Variants in TRHDE observed in about 807,000 individuals in gnomAD.
The protein encoded by TRHDE is thyrotropin-releasing hormone-degrading ectoenzyme.
TRHDE carries 72 observed loss-of-function variants against 125.7 expected under a neutral mutation model. The observed-to-expected ratio is 0.57, with a 90% confidence interval of 0.47 to 0.70. TRHDE has a LOEUF of 0.70. TRHDE is among the 30% of genes least tolerant of loss of function. The probability of loss-of-function intolerance (pLI) is 0.00; values close to 1 mark genes in which losing one functional copy is unlikely to be tolerated. For synonymous variants in TRHDE, 509 were observed against 509.1 expected (o/e 1.00, Z 0.00); for missense variants, 1,110 against 1,327.1 (o/e 0.84, Z 2.54).
At chr12:72,397,729 A>AGT in intron 3 of TRHDE, among the ~76,000 whole-genome samples, 1 of 152,302 alleles carries the variant, frequency 6.6e-6, no homozygotes, top group Admixed American at 6.5e-5. Context: ...TGAGAGAGAG[A>AGT]GAGAGAGACA....
intron 10 of TRHDE, among the ~76,000 whole-genome samples, chr12:72,572,738 G>C (rs1297618674): frequency 6.6e-6 from 1 of 151,912 alleles, no homozygotes; most frequent in Non-Finnish European, 1.5e-5. Context: ...GGTGTAGAAG[G>C]TACAGCAATT....
chr12:72,625,462 GA>G (rs200930973), intron 15 of TRHDE, among the ~76,000 whole-genome samples: 71 of 149,212 alleles, frequency 4.8e-4, no homozygotes, highest in Middle Eastern at 3.5e-3. Flanking sequence ...TTTTGAAACC[GA>G]AAAAAAAAGT....
intron 2 of TRHDE, among the ~76,000 whole-genome samples, chr12:72,219,701 G>A (rs1351445483): frequency 6.6e-6 from 1 of 152,150 alleles, no homozygotes; most frequent in Non-Finnish European, 1.5e-5. Flanking sequence ...CAAGTGCATA[G>A]CATTCAGTTT....
At chr12:72,342,009 A>G (rs1008385884) in intron 2 of TRHDE, among the ~76,000 whole-genome samples, 1 of 152,096 alleles carries the variant, frequency 6.6e-6, no homozygotes, top group African/African-American at 2.4e-5. Flanking sequence ...GAAATACACA[A>G]TTCAAAATCA....
intron 12 of TRHDE, among the ~76,000 whole-genome samples, chr12:72,579,046 G>C (rs1270910349): frequency 6.7e-6 from 1 of 148,716 alleles, no homozygotes; most frequent in African/African-American, 2.5e-5. Flanking sequence ...ATAAATCTGG[G>C]GATCTTTTTA....
At position 72,556,727 on chromosome 12, in the gene TRHDE, CA is replaced by C. The variant is rs530963551; in HGVS notation, c.1789-5431del. Among the ~76,000 whole-genome samples the C allele has an allele frequency of 8.7e-4, 133 of 152,142 alleles. 1 individual carries two copies. The highest frequency in any genetic ancestry group is 3.1e-3 in the African/African-American group (130 of 41,510). On this transcript the variant is annotated intron_variant, in intron 7 of 18. Coordinates refer to ENST00000261180, the MANE Select transcript of TRHDE (RefSeq NM_013381.3). ...AACTGGTATTTAAATGCTGGAAAGC[CA>C]AAAAAATGACAAATGCACACTACAA...
intron 15 of TRHDE, among the ~76,000 whole-genome samples, chr12:72,640,202 C>G (rs1345882815): frequency 6.6e-6 from 1 of 152,266 alleles, no homozygotes; most frequent in Non-Finnish European, 1.5e-5. Flanking sequence ...GACACAATCT[C>G]CTGGTGTGCT....
At chr12:72,195,930 GTTC>G (rs990193546) in intron 2 of TRHDE, among the ~76,000 whole-genome samples, 1 of 151,956 alleles carries the variant, frequency 6.6e-6, no homozygotes, top group Non-Finnish European at 1.5e-5. Flanking sequence ...GTCCAGTTTC[GTTC>G]TTCTGCATAT....
chr12:72,636,218 G>C (rs745622077), intron 15 of TRHDE, among the ~76,000 whole-genome samples: 2,068 of 147,834 alleles, frequency 0.014, 21 homozygotes, highest in Non-Finnish European at 0.019. Context: ...AGGTCCTTCA[G>C]ATCCCTTGTA....
chr12:72,199,290 G>T (rs1877508018), intron 2 of TRHDE, among the ~76,000 whole-genome samples: 1 of 152,016 alleles, frequency 6.6e-6, no homozygotes, highest in African/African-American at 2.4e-5. Context: ...AAAAAAAACA[G>T]CTTAAATATT....
intron 2 of TRHDE, among the ~76,000 whole-genome samples, chr12:72,176,340 A>G (rs1876987934): frequency 2.0e-5 from 3 of 152,098 alleles, no homozygotes; most frequent in South Asian, 4.1e-4. Flanking sequence ...CACTGCTTAC[A>G]TTCTCACCCT....
rs539356864 is a variant in TRHDE at position 72,130,086 on chromosome 12, G to A, written n.279+24334G>A. On this transcript the variant is annotated intron_variant and non_coding_transcript_variant, in intron 2 of 4. Transcript: ENST00000548156. The stretch of plus-strand genomic sequence containing the variant: ...GGGGGCTGAGGTGGGCGGATCATGA[G>A]GTCAGGAGTTTGAGACCAGCCTGGC... Among the ~76,000 whole-genome samples, 7 of 152,254 alleles carry A rather than the reference G, an allele frequency of 4.6e-5. No individual in the cohort carries two copies. In the East Asian group the frequency reaches 1.2e-3, roughly 25 times the overall value.
chr12:72,495,467 T>C (rs929232726), intron 5 of TRHDE, among the ~76,000 whole-genome samples: 3 of 152,104 alleles, frequency 2.0e-5, no homozygotes, highest in African/African-American at 7.2e-5. Flanking sequence ...TTCCCCCATT[T>C]ATCTGAGTAA....
chr12:72,365,010 A>T (rs576276868), intron 2 of TRHDE, among the ~76,000 whole-genome samples: 2 of 152,208 alleles, frequency 1.3e-5, no homozygotes, highest in Admixed American at 1.3e-4. Context: ...AGAGGGATTA[A>T]ATGCTACTGT....
At chr12:72,147,380 A>T (rs1876254174) in intron 2 of TRHDE, among the ~76,000 whole-genome samples, 1 of 152,166 alleles carries the variant, frequency 6.6e-6, no homozygotes, top group Non-Finnish European at 1.5e-5. Flanking sequence ...TACAAGTTCT[A>T]TTCTGCCTTG....
intron 2 of TRHDE, among the ~76,000 whole-genome samples, chr12:72,373,737 C>CA (rs1227277966): frequency 6.6e-6 from 1 of 152,076 alleles, no homozygotes; most frequent in Non-Finnish European, 1.5e-5. Context: ...GGGGAAAACT[C>CA]AAAATCCTTG....
At chr12:72,433,550 C>A (rs1361383678) in intron 3 of TRHDE, among the ~76,000 whole-genome samples, 1 of 151,788 alleles carries the variant, frequency 6.6e-6, no homozygotes, top group Non-Finnish European at 1.5e-5. Flanking sequence ...CAATTAGGAA[C>A]TCACTATTTT....
At chr12:72,152,942 T>C (rs1441483904) in intron 2 of TRHDE, among the ~76,000 whole-genome samples, 1 of 152,232 alleles carries the variant, frequency 6.6e-6, no homozygotes, top group Non-Finnish European at 1.5e-5. Flanking sequence ...CCTCTTTTTC[T>C]ATTGATTGGA....
intron 3 of TRHDE, among the ~76,000 whole-genome samples, chr12:72,469,491 C>T (rs947837213): frequency 6.6e-6 from 1 of 152,122 alleles, no homozygotes; most frequent in Non-Finnish European, 1.5e-5. Flanking sequence ...TTAGGATGGG[C>T]CCATCAATAA....
Sources: allele counts gnomAD v4.1 joint callset (sites outside exome capture counted in the v4.1 genomes callset), GRCh38; gene constraint gnomAD v4.1.1; transcripts MANE v1.5; gene names NCBI Gene and HGNC (gene_info 2026-07-23, HGNC 2026-07-21).